CXCL12: variants seen among roughly 807,000 people sequenced by gnomAD.
CXCL12 encodes the protein C-X-C motif chemokine ligand 12.
CXCL12 carries 4 observed loss-of-function variants against 10.7 expected under a neutral mutation model. The ratio of observed to expected loss-of-function variants is 0.37; its 90% confidence interval spans 0.18 to 0.86. The LOEUF is 0.86. Among genes scored for constraint, CXCL12 ranks in the 40% least tolerant of loss-of-function variants. The pLI is 0.43. For missense variants in CXCL12, 122 were observed against 110.4 expected (o/e 1.10, Z -0.47); for synonymous variants, 54 against 45.4 (o/e 1.19, Z -0.77).
At position 44,380,845 on chromosome 10, in the gene CXCL12, G is replaced by T. The variant is rs1227624764; in HGVS notation, c.97C>A (p.Arg33=). Residue 33 remains arginine, a synonymous_variant, in exon 2 of 3, where the codon CGA becomes AGA. Coordinates refer to ENST00000343575, the MANE Select transcript of CXCL12 (RefSeq NM_199168.4). ...CTGGCAACATGGCTTTCGAAGAATC[G>T]GCATGGGCATCTGTAGCTCAGGCTG... The part of the protein sequence containing the change: ...PVSLSYRCPC[R]FFESHVARAN... 1 of 1,614,186 alleles carries T rather than the reference G, an allele frequency of 6.2e-7. No individual in the cohort carries two copies. The highest frequency in any genetic ancestry group is 2.2e-5 in the East Asian group (1 of 44,874).
At chr10:44,373,060 G>T (rs774918789), downstream of CXCL12, 1 of 1,536,270 alleles carries the variant, frequency 6.5e-7, no homozygotes, top group South Asian at 1.2e-5. Flanking sequence ...TCCGTGGAAA[G>T]ACACTCTAAT....
At chr10:44,379,718 A>G (rs2839690) in intron 2 of CXCL12, among the ~76,000 whole-genome samples, 28,074 of 152,266 alleles carry the variant, frequency 0.18, 2,716 homozygotes, top group Non-Finnish European at 0.21. Flanking sequence ...TTTCCAGGCC[A>G]GTAAACCAGC....
At chr10:44,384,766 C>T (rs1839745658) in intron 1 of CXCL12, among the ~76,000 whole-genome samples, 179 bp downstream of exon 1, 1 of 152,250 alleles carries the variant, frequency 6.6e-6, no homozygotes, top group Non-Finnish European at 1.5e-5. Flanking sequence ...AAACCCTCGG[C>T]GCAAAAGTAG....
chr10:44,381,025 A>G (rs1284674935), intron 1 of CXCL12, 145 bp from the exon 2 acceptor site: 1 of 741,348 alleles, frequency 1.3e-6, no homozygotes, highest in Admixed American at 1.8e-5. Context: ...GTATGTTGGG[A>G]AAGGCCATCT....
Position 44,378,463 on chromosome 10 carries a change from T to C in CXCL12, c.*170A>G. 1 of 1,537,876 alleles carries C rather than the reference T, an allele frequency of 6.5e-7. No individual in the cohort carries two copies. Among genetic ancestry groups the C allele is most frequent in the Non-Finnish European group, 8.7e-7 (1 of 1,143,420 alleles). ...TACCGTATGCTATAAATGCAGGGTC[T>C]AAATGCTGGCAAACCTCAGGCCCGA... On this transcript the variant is annotated 3_prime_UTR_variant, in exon 3 of 3. Transcript: ENST00000343575.
rs1183008090 is a variant in CXCL12, at chr10:44,378,037, A to G, written c.*596T>C. ...CTTCTACATGGAGCCCACAGAGCCA[A>G]TCACTGAGGTTGAAAGAGGAGGTGA... On this transcript the variant is annotated 3_prime_UTR_variant, in exon 3 of 3. Coordinates refer to ENST00000343575, the MANE Select transcript of CXCL12 (RefSeq NM_199168.4). 5 of 1,485,512 alleles carry G rather than the reference A, an allele frequency of 3.4e-6. No individual in the cohort carries two copies. The highest frequency in any genetic ancestry group is 4.4e-6 in the Non-Finnish European group (5 of 1,129,068). 92.0% of individuals were successfully genotyped at this position (1,485,512 alleles called of 1,614,324 possible).
chr10:44,380,948 G>T, intron 1 of CXCL12, 68 bp from the exon 2 acceptor site: 1 of 1,241,112 alleles, frequency 8.1e-7, no homozygotes, highest in Non-Finnish European at 1.2e-6. Context: ...TGTCTGGGCT[G>T]CAGCAGTTGG....
At chr10:44,377,029 G>A (rs1283769424), downstream of CXCL12, 1 of 936,582 alleles carries the variant, frequency 1.1e-6, no homozygotes, top group African/African-American at 1.8e-5. Context: ...CCTGACTGCA[G>A]GCAGGCTTAA....
chr10:44,380,500 G>A (rs1287852125), intron 2 of CXCL12: 2 of 455,190 alleles, frequency 4.4e-6, no homozygotes, highest in Non-Finnish European at 8.1e-6. Context: ...CAGCTGTGCT[G>A]TGCTGAAGAA....
At chr10:44,375,325 G>A (rs1839423356), downstream of CXCL12, among the ~76,000 whole-genome samples, 1 of 152,236 alleles carries the variant, frequency 6.6e-6, no homozygotes, top group Non-Finnish European at 1.5e-5. Flanking sequence ...ACCCAGGAAG[G>A]AGGGGCTGAA....
At chr10:44,372,852 C>T (rs1230817981), downstream of CXCL12, 4 of 1,519,814 alleles carry the variant, frequency 2.6e-6, no homozygotes, top group South Asian at 1.2e-5. Flanking sequence ...TCCCATGTGG[C>T]CCTCCACCAT....
chr10:44,378,138 G>T lies in CXCL12; in HGVS notation c.*495C>A, dbSNP rs527861049. The stretch of plus-strand genomic sequence containing the variant: ...TTCCTCTTGGGAGGGGCGCTGCTGC[G>T]GGAGCCTCAGTGTCTGAAGAAAGGA... On this transcript the variant is annotated 3_prime_UTR_variant, in exon 3 of 3. Transcript: ENST00000343575. 1.4e-6 allele frequency: 2 copies of T among 1,436,486 alleles called. No homozygotes were observed. The highest frequency in any genetic ancestry group is 5.2e-5 in the East Asian group (2 of 38,752). The allele number at this position is 1,436,486 out of a possible 1,614,324, so 89.0% of individuals were successfully genotyped here. A position where few individuals can be genotyped will look rare whatever the true frequency, so the allele number is the denominator to read the frequency against.
At chr10:44,374,883 T>G, downstream of CXCL12, 1 of 362,016 alleles carries the variant, frequency 2.8e-6, no homozygotes, top group Non-Finnish European at 5.4e-6. Flanking sequence ...AATGGGGTCC[T>G]TGCTCTTCCA....
intron 1 of CXCL12, among the ~76,000 whole-genome samples, chr10:44,384,436 G>A (rs2132054707): frequency 6.6e-6 from 1 of 152,326 alleles, no homozygotes; most frequent in African/African-American, 2.4e-5. Context: ...AGCGGAGGCT[G>A]CGCGGCTGCA....
In CXCL12 at chr10:44,378,772, C is replaced by G. The variant is rs374685857; in HGVS notation, c.180-49G>C. ...TGTGCGGCTGCACAGGAGGAAGGCGCGGCTGCAACGTGTGCATCCGCTCCC... is the reference window on the plus strand; with the variant it reads ...TGTGCGGCTGCACAGGAGGAAGGCGGGGCTGCAACGTGTGCATCCGCTCCC... On this transcript the variant is annotated intron_variant, in intron 2 of 2. Coordinates refer to ENST00000343575, the MANE Select transcript of CXCL12 (RefSeq NM_199168.4). 4 of 1,588,930 alleles carry G rather than the reference C, an allele frequency of 2.5e-6. No homozygotes were observed. In the Admixed American group the frequency reaches 5.0e-5, roughly 20 times the overall value.
At chr10:44,371,880 T>C (rs915363844), downstream of CXCL12, 1 of 152,520 alleles carries the variant, frequency 6.6e-6, no homozygotes, top group Admixed American at 6.5e-5. Context: ...TTGTCAAAAG[T>C]GAACATTTTA....
At chr10:44,374,096 C>T (rs1215389048), downstream of CXCL12, 1 of 271,050 alleles carries the variant, frequency 3.7e-6, no homozygotes, top group Admixed American at 4.7e-5. Flanking sequence ...ATCAAGACAT[C>T]AAGACAGGAC....
Position 44,385,083 on chromosome 10 carries a change from G to A in CXCL12, c.-78C>T. ...CCGAGCGGGCAATGCGGCTGACGGA[G>A]AGTGAAAGTGCGGCGGTGGGAGGCG... On this transcript the variant is annotated 5_prime_UTR_variant, in exon 1 of 3. Transcript: ENST00000343575. 1.8e-6 allele frequency: 2 copies of A among 1,134,288 alleles called. No individual in the cohort carries two copies. The allele number at this position is 1,134,288 out of a possible 1,614,324, so 70.3% of individuals were successfully genotyped here. A position where few individuals can be genotyped will look rare whatever the true frequency, so the allele number is the denominator to read the frequency against.
Position 44,378,472 on chromosome 10 carries a change from G to A in CXCL12, c.*161C>T. 1 of 1,534,264 alleles carries A rather than the reference G, an allele frequency of 6.5e-7. No individual in the cohort carries two copies. On this transcript the variant is annotated 3_prime_UTR_variant, in exon 3 of 3. Transcript: ENST00000343575. ...CTATAAATGCAGGGTCTAAATGCTG[G>A]CAAACCTCAGGCCCGATCCCAGATC...
Sources: allele counts gnomAD v4.1 joint callset (sites outside exome capture counted in the v4.1 genomes callset), GRCh38; gene constraint gnomAD v4.1.1; transcripts MANE v1.5; gene names NCBI Gene and HGNC (gene_info 2026-07-23, HGNC 2026-07-21).